Variants in PCDHGA10 observed in about 807,000 individuals in gnomAD.
PCDHGA10 encodes the protein protocadherin gamma-A10.
A neutral mutation model predicts 59.5 loss-of-function variants in PCDHGA10; 42 were observed. That is an observed-to-expected ratio of 0.71 (90% CI 0.55 to 0.91). The LOEUF is 0.91. Ranked by LOEUF, PCDHGA10 falls within the 40% of genes least tolerant of loss-of-function variation. The pLI, the probability that PCDHGA10 is intolerant of heterozygous loss-of-function variation, is 0.00. For missense variants in PCDHGA10, 1,111 were observed against 1,198.2 expected, an observed-to-expected ratio of 0.93 and a Z score of 1.07; for synonymous variants, 511 against 517.2, an observed-to-expected ratio of 0.99 and a Z score of 0.16.
chr5:141,424,962 C>G (rs1018789700), intron 1 of PCDHGA10, among the ~76,000 whole-genome samples: 2 of 152,116 alleles, frequency 1.3e-5, no homozygotes, highest in Admixed American at 6.6e-5. Flanking sequence ...GTATTTGCCC[C>G]AAATTACTTG....
Position 141,491,162 on chromosome 5 carries a change from C to T in PCDHGA10, c.2437-3645C>T. 6.2e-7 allele frequency: 1 copy of T among 1,614,112 alleles called. No homozygotes were observed. Among genetic ancestry groups the T allele is most frequent in the Non-Finnish European group, 8.5e-7 (1 of 1,179,952 alleles). On this transcript the variant is annotated intron_variant, in intron 1 of 3. Coordinates refer to ENST00000398610, the MANE Select transcript of PCDHGA10 (RefSeq NM_018913.3). This position sits in a 1 kb window ranked among gnomAD's most constrained non-coding sequence, Gnocchi z 6.9. ...GCCTTACTGGAGGATGACTCTGACA[C>T]CCAGCAGGTGGTGGTCCTGGTGAGG...
chr5:141,435,254 G>C (rs1220755047), intron 1 of PCDHGA10, among the ~76,000 whole-genome samples: 1 of 152,018 alleles, frequency 6.6e-6, no homozygotes, highest in African/African-American at 2.4e-5. Flanking sequence ...GGCCATTAGG[G>C]ATATGTCCAT....
intron 2 of PCDHGA10, among the ~76,000 whole-genome samples, chr5:141,498,963 GGGAGGGAGGGAAGGAAGGAA>G (rs1472475865): frequency 5.7e-4 from 74 of 129,970 alleles, no homozygotes; most frequent in Non-Finnish European, 2.6e-4. Flanking sequence ...GAGAGAGGGA[GGGAGGGAGGGAAGGAAGGAA>G]GGAAGGAAGG....
chr5:141,415,740 G>GTTTTTTTTTTTTTTTTTT (rs57426385), intron 1 of PCDHGA10, 129 bp downstream of exon 1: 15 of 625,028 alleles, frequency 2.4e-5, no homozygotes, highest in African/African-American at 7.5e-5. Flanking sequence ...GTTTATTAAG[G>GTTTTTTTTTTTTTTTTTT]TTTTTTTTTT....
intron 1 of PCDHGA10, chr5:141,475,986 G>T: frequency 2.8e-6 from 3 of 1,089,866 alleles, no homozygotes; most frequent in Non-Finnish European, 3.9e-6. Context: ...CAGCCGGCGA[G>T]CAAATCAACG....
At chr5:141,484,644 A>G (rs1165542601) in intron 1 of PCDHGA10, among the ~76,000 whole-genome samples, 1 of 151,748 alleles carries the variant, frequency 6.6e-6, no homozygotes, top group African/African-American at 2.4e-5. Flanking sequence ...CCACTCTCCA[A>G]TGGCTACTCT....
chr5:141,438,591 C>CATATATATATAT (rs946798767), intron 1 of PCDHGA10, among the ~76,000 whole-genome samples: 3 of 75,560 alleles, frequency 4.0e-5, no homozygotes, highest in Non-Finnish European at 5.4e-5. Flanking sequence ...TACATACATA[C>CATATATATATAT]ATATATATAT....
intron 1 of PCDHGA10, chr5:141,416,112 T>C (rs555358881): frequency 6.4e-6 from 1 of 156,492 alleles, no homozygotes; most frequent in Non-Finnish European, 1.4e-5. Context: ...TTTTTCAAAC[T>C]ACATTTTATA....
chr5:141,492,257 A>G (rs955890030), intron 1 of PCDHGA10, among the ~76,000 whole-genome samples: 1 of 152,126 alleles, frequency 6.6e-6, no homozygotes, highest in Non-Finnish European at 1.5e-5. Flanking sequence ...GGCCCACACA[A>G]GTTGCACGGG....
At position 141,415,523 on chromosome 5, in the gene PCDHGA10, T is replaced by G. The variant is rs1245542927; in HGVS notation, c.2348T>G (p.Leu783Arg). ...IFPQPNYADT[L>R]ISQESCEKND... is the part of the protein sequence containing the mutation. ...CCCCAGCCCAATTATGCGGACACGC[T>G]CATCAGCCAGGAGAGCTGTGAGAAA... Residue 783 changes from leucine (L) to arginine (R), a missense_variant, in exon 1 of 4, where the codon CTC becomes CGC. Transcript: ENST00000398610. The G allele has an allele frequency of 1.9e-6, 3 of 1,614,196 alleles. No individual in the cohort carries two copies. Among genetic ancestry groups the G allele is most frequent in the Non-Finnish European group, 2.5e-6 (3 of 1,180,032 alleles).
chr5:141,494,601 A>T (rs1396717178), intron 1 of PCDHGA10, among the ~76,000 whole-genome samples: 1 of 151,892 alleles, frequency 6.6e-6, no homozygotes, highest in East Asian at 1.9e-4. Context: ...ATGAAATGTG[A>T]TTTATCTCTT....
At position 141,432,476 on chromosome 5, in the gene PCDHGA10, A is replaced by T. The variant is rs778378071; in HGVS notation, c.2436+16865A>T. On this transcript the variant is annotated intron_variant, in intron 1 of 3. Transcript: ENST00000398610. This position sits in a 1 kb window ranked among gnomAD's most constrained non-coding sequence, Gnocchi z 6.0. ...CCCCGCCCTCCCCACGGACGGTTCC[A>T]CTGGCGTGGAGCTGGCTCCCCGCTC... 4.6e-5 allele frequency: 75 copies of T among 1,613,962 alleles called. No homozygotes were observed. In the South Asian group the frequency reaches 7.9e-4, roughly 17 times the overall value.
Position 141,413,737 on chromosome 5 carries a change from A to AC in PCDHGA10, c.562_563insC (p.Ser188ThrfsTer36). On this transcript the variant is annotated frameshift_variant, in exon 1 of 4. Coordinates refer to ENST00000398610, the MANE Select transcript of PCDHGA10 (RefSeq NM_018913.3). LOFTEE classifies it high-confidence loss of function. ...TAAGCACTTCTCCCTAAGAGTTCAGAGCCGTGCCAATGGCGTCAAGTACCC... is the reference window on the plus strand; with the variant it reads ...TAAGCACTTCTCCCTAAGAGTTCAGACGCCGTGCCAATGGCGTCAAGTACCC... 1 of 1,613,410 alleles carries AC rather than the reference A, an allele frequency of 6.2e-7. No homozygotes were observed. Among genetic ancestry groups the AC allele is most frequent in the Non-Finnish European group, 8.5e-7 (1 of 1,179,876 alleles).
At chr5:141,499,397 T>A (rs1171838687) in intron 2 of PCDHGA10, among the ~76,000 whole-genome samples, 2 of 152,122 alleles carry the variant, frequency 1.3e-5, no homozygotes, top group African/African-American at 4.8e-5. Flanking sequence ...AAATAGTACA[T>A]GCTCATTATA....
chr5:141,436,384 C>A lies in PCDHGA10; in HGVS notation c.2436+20773C>A, dbSNP rs1048094484. 2.6e-5 allele frequency among the ~76,000 whole-genome samples: 4 copies of A among 152,222 alleles called. 1 individual carries two copies. Among genetic ancestry groups the A allele is most frequent in the Non-Finnish European group, 4.4e-5 (3 of 67,978 alleles). On this transcript the variant is annotated intron_variant, in intron 1 of 3. Coordinates refer to ENST00000398610, the MANE Select transcript of PCDHGA10 (RefSeq NM_018913.3). The stretch of plus-strand genomic sequence containing the variant: ...ATGTTTCCAGTTTAAGCTGAATAGG[C>A]TTTATTAAATAGTTGTTGAATGAAT...
chr5:141,444,151 G>T (rs1031944414), intron 1 of PCDHGA10, among the ~76,000 whole-genome samples: 1 of 92,746 alleles, frequency 1.1e-5, no homozygotes, highest in Non-Finnish European at 2.1e-5. Flanking sequence ...GTGTGTACTG[G>T]ATTTTTTTTT....
At chr5:141,422,127 A>G (rs779974245) in intron 1 of PCDHGA10, 1 of 1,600,944 alleles carries the variant, frequency 6.2e-7, no homozygotes. Context: ...CACAAACTGG[A>G]GAAGTTCAAG....
At chr5:141,502,274 A>G (rs573517581) in intron 2 of PCDHGA10, among the ~76,000 whole-genome samples, 18 of 152,128 alleles carry the variant, frequency 1.2e-4, no homozygotes, top group African/African-American at 4.1e-4. Context: ...ATCAAGGAGC[A>G]TAGATTGCAT....
intron 1 of PCDHGA10, among the ~76,000 whole-genome samples, chr5:141,453,193 A>G (rs2098757675): frequency 6.6e-6 from 1 of 152,142 alleles, no homozygotes; most frequent in Admixed American, 6.5e-5. Context: ...AGCTCACTGC[A>G]GCCTCAACCT....
Sources: gnomAD v4.1 joint callset for allele counts (sites outside exome capture counted in the v4.1 genomes callset) on GRCh38, gnomAD v4.1.1 for gene constraint, Gnocchi (gnomAD v3.1) non-coding constraint, MANE v1.5 for transcripts, NCBI Gene and HGNC (gene_info 2026-07-23, HGNC 2026-07-21) for gene names.